The following MARCHF1 variants were observed in gnomAD, a reference collection of about 807,000 sequenced individuals.
MARCHF1 encodes membrane associated ring-CH-type finger 1.
In MARCHF1, 40 loss-of-function variants were observed where a neutral mutation model predicts 54.2. That is an observed-to-expected ratio of 0.74 (90% CI 0.57 to 0.96). The LOEUF is 0.96. MARCHF1 is among the 40% of genes least tolerant of loss of function. The probability of loss-of-function intolerance (pLI) is 0.00; values close to 1 mark genes in which losing one functional copy is unlikely to be tolerated. For missense variants in MARCHF1, 586 were observed against 656.5 expected (o/e 0.89, Z 1.17); for synonymous variants, 236 against 236.3 (o/e 1.00, Z 0.01).
chr4:164,342,490 G>A (rs531944755), intron 1 of MARCHF1, among the ~76,000 whole-genome samples: 215 of 151,242 alleles, frequency 1.4e-3, no homozygotes, highest in Middle Eastern at 3.4e-3. Context: ...AAACCTGCAC[G>A]TTATGCACAT....
chr4:164,358,434 C>T (rs1730626342), intron 1 of MARCHF1, among the ~76,000 whole-genome samples: 1 of 152,088 alleles, frequency 6.6e-6, no homozygotes, highest in South Asian at 2.1e-4. Context: ...GAAACTATGG[C>T]TCAGTTTGAG....
chr4:164,067,547 G>C (rs1305275925), intron 2 of MARCHF1, among the ~76,000 whole-genome samples: 2 of 152,094 alleles, frequency 1.3e-5, no homozygotes, highest in Non-Finnish European at 2.9e-5. Flanking sequence ...GAATGAAACT[G>C]GATCCTTACC....
chr4:164,254,700 A>AG (rs35065344), intron 1 of MARCHF1, among the ~76,000 whole-genome samples: 21,201 of 152,170 alleles, frequency 0.14, 1,615 homozygotes, highest in Non-Finnish European at 0.18. Flanking sequence ...CCGATATTCA[A>AG]GGGCAGGAAG....
chr4:164,175,649 G>C (rs1311492005), intron 1 of MARCHF1, among the ~76,000 whole-genome samples: 1 of 152,078 alleles, frequency 6.6e-6, no homozygotes, highest in South Asian at 2.1e-4. Context: ...TAATCTAATC[G>C]ATTGAAGGCC....
At chr4:163,536,321 C>T (rs1390109037) in intron 9 of MARCHF1, among the ~76,000 whole-genome samples, 1 of 152,132 alleles carries the variant, frequency 6.6e-6, no homozygotes, top group Non-Finnish European at 1.5e-5. Flanking sequence ...CTTATACATG[C>T]CTGGAAGTTT....
chr4:164,175,275 G>T (rs1560939628), intron 1 of MARCHF1, among the ~76,000 whole-genome samples: 1 of 152,060 alleles, frequency 6.6e-6, no homozygotes, highest in Non-Finnish European at 1.5e-5. Flanking sequence ...ATTGATTTAT[G>T]CATCTAAAAA....
At chr4:163,688,877 A>C (rs1722908821) in intron 5 of MARCHF1, among the ~76,000 whole-genome samples, 1 of 152,168 alleles carries the variant, frequency 6.6e-6, no homozygotes, top group Non-Finnish European at 1.5e-5. Context: ...TATCTGCAAA[A>C]ATTAGAAATA....
At chr4:163,791,638 A>G (rs543223547) in intron 4 of MARCHF1, among the ~76,000 whole-genome samples, 22 of 152,264 alleles carry the variant, frequency 1.4e-4, no homozygotes, top group Non-Finnish European at 2.8e-4. Flanking sequence ...TACAAAAACA[A>G]ATGTATTCAC....
intron 1 of MARCHF1, among the ~76,000 whole-genome samples, chr4:164,231,867 T>C (rs1732422322): frequency 6.6e-6 from 1 of 152,146 alleles, no homozygotes; most frequent in East Asian, 1.9e-4. Flanking sequence ...ATTTCTACTT[T>C]CAGGCCCTAA....
chr4:164,077,868 A>C lies in MARCHF1; in HGVS notation c.-248+33720T>G, dbSNP rs188531847. ...GCCAGTGAGAATGGCAATCATTAAA[A>C]AGTCAGGAAACAACAGATGTTGGAG... On this transcript the variant is annotated intron_variant, in intron 2 of 9. Coordinates refer to ENST00000514618, the MANE Select transcript of MARCHF1 (RefSeq NM_001394959.1). Among the ~76,000 whole-genome samples the C allele has an allele frequency of 5.9e-3, 894 of 152,346 alleles. 5 individuals carry two copies. The highest frequency in any genetic ancestry group is 9.2e-3 in the Non-Finnish European group (624 of 68,034).
rs34354537 is a variant in MARCHF1, at chr4:163,714,543, G to A, written c.112-13680C>T. On this transcript the variant is annotated intron_variant, in intron 4 of 9. Transcript: ENST00000514618. ...CTTTCTTTAACACAATACCTGCCTG[G>A]AATATCACAGATGTTTCATAAATTA... Among the ~76,000 whole-genome samples the A allele has an allele frequency of 7.1e-3, 1,081 of 152,280 alleles. 12 individuals are homozygous for A. The highest frequency in any genetic ancestry group is 0.012 in the Non-Finnish European group (806 of 68,016).
intron 1 of MARCHF1, among the ~76,000 whole-genome samples, chr4:164,301,822 C>A (rs1011757770): frequency 2.0e-5 from 3 of 152,088 alleles, no homozygotes; most frequent in Non-Finnish European, 4.4e-5. Context: ...TGGAAATGGT[C>A]ATGAATTTGG....
At chr4:163,558,225 G>A (rs1017608700) in intron 8 of MARCHF1, among the ~76,000 whole-genome samples, 1 of 152,164 alleles carries the variant, frequency 6.6e-6, no homozygotes, top group Non-Finnish European at 1.5e-5. Context: ...TGTGGAACAG[G>A]CGTGAACGGT....
At chr4:164,192,463 C>T (rs1731147900) in intron 1 of MARCHF1, among the ~76,000 whole-genome samples, 1 of 152,100 alleles carries the variant, frequency 6.6e-6, no homozygotes, top group Admixed American at 6.5e-5. Context: ...CAGCCAATAC[C>T]AGCAAAGTAA....
At chr4:164,008,850 T>C (rs1015914938) in intron 2 of MARCHF1, among the ~76,000 whole-genome samples, 1 of 151,812 alleles carries the variant, frequency 6.6e-6, no homozygotes, top group African/African-American at 2.4e-5. Flanking sequence ...AGAGAGATTA[T>C]AGCAAGAAAC....
chr4:163,780,254 T>C lies in MARCHF1; in HGVS notation c.111+73767A>G, dbSNP rs562832022. Reference sequence around the variant, plus strand: ...TCTTCCTTAATGCCTTTCTCATATGTGGCTGTGACAATAGAAAGAAAAGGT... The same window carrying C: ...TCTTCCTTAATGCCTTTCTCATATGCGGCTGTGACAATAGAAAGAAAAGGT... On this transcript the variant is annotated intron_variant, in intron 4 of 9. Transcript: ENST00000514618. Among the ~76,000 whole-genome samples, 4 of 152,324 alleles carry C rather than the reference T, an allele frequency of 2.6e-5. 1 individual carries two copies. In the South Asian group the frequency reaches 8.3e-4, roughly 32 times the overall value.
Position 163,580,062 on chromosome 4 carries a change from A to ATTATTTATTTATTTATATAT in MARCHF1, c.1191+5686_1191+5687insATATATAAATAAATAAATAA, listed in dbSNP as rs1553993937. 8.7e-4 allele frequency among the ~76,000 whole-genome samples: 126 copies of ATTATTTATTTATTTATATAT among 144,274 alleles called. 1 individual carries two copies. Among genetic ancestry groups the ATTATTTATTTATTTATATAT allele is most frequent in the African/African-American group, 2.9e-3 (112 of 38,786 alleles). The allele number at this position is 144,274 out of a possible 152,430, so 94.6% of individuals were successfully genotyped here. ...AATTGTCTTTTGTAGAGCCTTATTT[A>ATTATTTATTTATTTATATAT]TTATTTATTTATTTATTTATTTATT... On this transcript the variant is annotated intron_variant, in intron 8 of 9. Transcript: ENST00000514618.
At chr4:164,335,677 C>T (rs898509505) in intron 1 of MARCHF1, among the ~76,000 whole-genome samples, 2 of 141,544 alleles carry the variant, frequency 1.4e-5, no homozygotes, top group Admixed American at 7.4e-5. Flanking sequence ...CGAAGCAGGA[C>T]CCTCCAGCCA....
chr4:163,664,253 G>A (rs566962725), intron 5 of MARCHF1, among the ~76,000 whole-genome samples: 2,827 of 152,098 alleles, frequency 0.019, 84 homozygotes, highest in African/African-American at 0.062. Context: ...TAATGATTTT[G>A]CTGAGAACAG....
Sources: gnomAD v4.1 joint callset for allele counts (sites outside exome capture counted in the v4.1 genomes callset) on GRCh38, gnomAD v4.1.1 for gene constraint, MANE v1.5 for transcripts, NCBI Gene and HGNC (gene_info 2026-07-23, HGNC 2026-07-21) for gene names.